AKAP6: variants seen among roughly 807,000 people sequenced by gnomAD.
AKAP6 encodes the protein A-kinase anchoring protein 6.
Under a neutral mutation model 188.5 loss-of-function variants are expected in AKAP6, and 58 were observed. The ratio of observed to expected loss-of-function variants is 0.31; its 90% CI spans 0.25 to 0.38. AKAP6 has a LOEUF of 0.38. Ranked by LOEUF, AKAP6 falls within the 10% of genes least tolerant of loss-of-function variation. The pLI is 1.00. For synonymous variants in AKAP6, 989 were observed against 998.6 expected, an observed-to-expected ratio of 0.99 and a Z score of 0.18; for missense variants, 2,710 against 2,740.0, an observed-to-expected ratio of 0.99 and a Z score of 0.24.
intron 12 of AKAP6, among the ~76,000 whole-genome samples, chr14:32,780,146 GAA>G (rs368489978): frequency 8.4e-5 from 9 of 107,526 alleles, no homozygotes; most frequent in African/African-American, 1.3e-4. Context: ...AAAAGAAATT[GAA>G]AAAAAAAACA....
intron 12 of AKAP6, among the ~76,000 whole-genome samples, chr14:32,792,172 C>T (rs1396619393): frequency 6.6e-6 from 1 of 152,102 alleles, no homozygotes; most frequent in Admixed American, 6.5e-5. Context: ...TCAGTGGTAG[C>T]TTCATGGGAA....
intron 12 of AKAP6, 116 bp downstream of exon 12, chr14:32,774,009 T>C: frequency 8.7e-7 from 1 of 1,153,100 alleles, no homozygotes; most frequent in Non-Finnish European, 1.3e-6. Context: ...TAACTTAAAG[T>C]GGTTTTGCCA....
chr14:32,458,458 A>T (rs1891216728), intron 2 of AKAP6, among the ~76,000 whole-genome samples: 1 of 152,130 alleles, frequency 6.6e-6, no homozygotes, highest in African/African-American at 2.4e-5. Flanking sequence ...TGCTATACTT[A>T]GTTTTATATA....
intron 4 of AKAP6, among the ~76,000 whole-genome samples, chr14:32,575,873 A>G (rs1594755335): frequency 6.6e-6 from 1 of 152,254 alleles, no homozygotes; most frequent in African/African-American, 2.4e-5. Context: ...ATCTGACTCT[A>G]TGGGACTCTG....
intron 12 of AKAP6, among the ~76,000 whole-genome samples, chr14:32,815,987 C>A (rs1176481392): frequency 3.3e-5 from 5 of 152,162 alleles, no homozygotes; most frequent in Admixed American, 3.3e-4. Context: ...TGTATGAGTA[C>A]CTCCTCCAGT....
At chr14:32,563,488 T>C (rs79926465) in intron 4 of AKAP6, among the ~76,000 whole-genome samples, 402 of 152,308 alleles carry the variant, frequency 2.6e-3, no homozygotes, top group Non-Finnish European at 4.4e-3. Flanking sequence ...TTATTAGTAC[T>C]GTGGGGGGGG....
chr14:32,426,631 A>T (rs867413498), intron 1 of AKAP6, among the ~76,000 whole-genome samples: 1 of 152,154 alleles, frequency 6.6e-6, no homozygotes, highest in Non-Finnish European at 1.5e-5. Context: ...GCAACTTGGG[A>T]TGAGGGTGAG....
At chr14:32,439,665 C>G (rs919359354) in intron 2 of AKAP6, among the ~76,000 whole-genome samples, 4 of 152,146 alleles carry the variant, frequency 2.6e-5, no homozygotes, top group Non-Finnish European at 5.9e-5. Context: ...GGTCCATAGT[C>G]GTGACAGTGA....
intron 3 of AKAP6, among the ~76,000 whole-genome samples, chr14:32,542,256 G>T (rs1882987610): frequency 6.6e-6 from 1 of 152,148 alleles, no homozygotes; most frequent in Admixed American, 6.6e-5. Context: ...CTAAAACTAT[G>T]TAATCAGAGA....
chr14:32,363,619 A>T (rs535921188), intron 1 of AKAP6, among the ~76,000 whole-genome samples: 1 of 152,304 alleles, frequency 6.6e-6, no homozygotes, highest in African/African-American at 2.4e-5. Context: ...AGAAAGATGA[A>T]GGCCAGAAGA....
chr14:32,731,345 T>C (rs1019451476), intron 9 of AKAP6, among the ~76,000 whole-genome samples: 2 of 152,188 alleles, frequency 1.3e-5, no homozygotes, highest in African/African-American at 4.8e-5. Flanking sequence ...TATAATATCA[T>C]GTTTTCAAGG....
intron 1 of AKAP6, among the ~76,000 whole-genome samples, chr14:32,352,087 GTGTGTGTGTGTGTGTT>G (rs1433789083): frequency 1.9e-4 from 21 of 112,332 alleles, no homozygotes; most frequent in African/African-American, 9.2e-4. Context: ...GTGTGTGTGT[GTGTGTGTGTGTGTGTT>G]TGTGTGTGTG....
intron 7 of AKAP6, among the ~76,000 whole-genome samples, chr14:32,671,741 A>G (rs760382387): frequency 2.0e-4 from 30 of 152,132 alleles, no homozygotes; most frequent in Non-Finnish European, 3.7e-4. Context: ...GCAGTAGTAG[A>G]GGTGGTGAGA....
At chr14:32,408,933 A>G (rs1377742745) in intron 1 of AKAP6, among the ~76,000 whole-genome samples, 1 of 152,094 alleles carries the variant, frequency 6.6e-6, no homozygotes, top group Non-Finnish European at 1.5e-5. Flanking sequence ...GCTCACCCCT[A>G]TATCGCCTGT....
In AKAP6 at chr14:32,466,152, G is replaced by A. The variant is rs187009083; in HGVS notation, c.324+32335G>A. On this transcript the variant is annotated intron_variant, in intron 2 of 13. Transcript: ENST00000280979. ...GGGAGTGTAAATTATTTCAGCCATT[G>A]TGGAAGACAGTGTGGGGATTCCTCA... Among the ~76,000 whole-genome samples the A allele has an allele frequency of 2.8e-4, 43 of 152,352 alleles. No homozygotes were observed. In the East Asian group the frequency reaches 7.5e-3, roughly 27 times the overall value.
chr14:32,386,888 T>A (rs1888552594), intron 1 of AKAP6, among the ~76,000 whole-genome samples: 1 of 152,126 alleles, frequency 6.6e-6, no homozygotes, highest in South Asian at 2.1e-4. Context: ...TATGTTTTTG[T>A]TTGATTTGTG....
chr14:32,728,200 ATTTTTTTTTTTTTT>A lies in AKAP6; in HGVS notation c.3001-4236_3001-4223del, dbSNP rs3033287. The stretch of plus-strand genomic sequence containing the variant: ...GAGTTGTAAATAGACACATCCCTGG[ATTTTTTTTTTTTTT>A]TTTTTTTTTTTTTTTTTGCAAAAAT... On this transcript the variant is annotated intron_variant, in intron 9 of 13. Transcript: ENST00000280979. Among the ~76,000 whole-genome samples the A allele has an allele frequency of 2.8e-3, 201 of 71,064 alleles. 5 individuals carry two copies. Among genetic ancestry groups the A allele is most frequent in the East Asian group, 0.026 (91 of 3,434 alleles). 46.6% of individuals were successfully genotyped at this position (71,064 alleles called of 152,430 possible). A position where few individuals can be genotyped will look rare whatever the true frequency, so the allele number is the denominator to read the frequency against.
chr14:32,646,045 C>T (rs1207919261), intron 7 of AKAP6, among the ~76,000 whole-genome samples: 1 of 152,040 alleles, frequency 6.6e-6, no homozygotes. Context: ...CCACTGGAAT[C>T]ATCTTATCAT....
chr14:32,540,883 T>C (rs1461116015), intron 3 of AKAP6, among the ~76,000 whole-genome samples: 1 of 151,960 alleles, frequency 6.6e-6, no homozygotes, highest in Non-Finnish European at 1.5e-5. Context: ...GGAGGGATTT[T>C]TTTTTTGCAT....
Sources: allele counts gnomAD v4.1 joint callset (sites outside exome capture counted in the v4.1 genomes callset), GRCh38; gene constraint gnomAD v4.1.1; transcripts MANE v1.5; gene names NCBI Gene and HGNC (gene_info 2026-07-23, HGNC 2026-07-21).